ADGRA2: variants seen among roughly 807,000 people sequenced by gnomAD.
ADGRA2 encodes adhesion G protein-coupled receptor A2, also known as G-protein coupled receptor 124.
ADGRA2 carries 61 observed loss-of-function variants against 98.7 expected under a neutral mutation model. The ratio of observed to expected loss-of-function variants is 0.62; its 90% CI spans 0.50 to 0.76. The LOEUF is 0.76. ADGRA2 is among the 30% of genes least tolerant of loss of function. The pLI is 0.00. For synonymous variants in ADGRA2, 858 were observed against 831.5 expected, an observed-to-expected ratio of 1.03 and a Z score of -0.55; for missense variants, 1,712 against 1,860.0, an observed-to-expected ratio of 0.92 and a Z score of 1.46.
Position 37,833,831 on chromosome 8 carries a change from C to T in ADGRA2, c.1440C>T (p.Ile480=). The T allele has an allele frequency of 6.2e-7, 1 of 1,614,120 alleles. No homozygotes were observed. Among genetic ancestry groups the T allele is most frequent in the Non-Finnish European group, 8.5e-7 (1 of 1,179,992 alleles). Residue 480 remains isoleucine (I), a synonymous_variant, in exon 10 of 19, where the codon ATC becomes ATT. Coordinates refer to ENST00000412232, the MANE Select transcript of ADGRA2 (RefSeq NM_032777.10). Reference sequence around the variant, plus strand: ...AATTTTTGGGTTATGTCGACCAGATCAAAGAGGTGAGACTCAGCTGGAACT... The same window carrying T: ...AATTTTTGGGTTATGTCGACCAGATTAAAGAGGTGAGACTCAGCTGGAACT... ...IQKFLGYVDQ[I]KELVEVMVDM... is the part of the protein sequence containing the mutation.
In ADGRA2 at chr8:37,830,817, G is replaced by A. The variant is rs199973228; in HGVS notation, c.826G>A (p.Asp276Asn). The stretch of plus-strand genomic sequence containing the variant: ...GTGCTCTGCCAGCTACCTGGGCAAC[G>A]ACACCCGCATCCGCTGGTACCACAA... ...FQCSASYLGNDTRIRWYHNRA... is the reference protein window; with the variant it reads ...FQCSASYLGNNTRIRWYHNRA... The change falls in exon 7 of 19, where the codon GAC becomes AAC. Residue 276 changes from aspartate to asparagine, a missense_variant. Physicochemically the swap from Asp to Asn is conservative, Grantham distance 23. Coordinates refer to ENST00000412232, the MANE Select transcript of ADGRA2 (RefSeq NM_032777.10). The surrounding 1 kb of genome is among the most constrained non-coding windows in gnomAD (Gnocchi z 4.8). 2.0e-5 allele frequency: 32 copies of A among 1,591,144 alleles called. No individual in the cohort carries two copies. The highest frequency in any genetic ancestry group is 1.7e-4 in the Middle Eastern group (1 of 6,030).
At chr8:37,835,873 G>T in intron 13 of ADGRA2, 103 bp downstream of exon 13, 1 of 717,374 alleles carries the variant, frequency 1.4e-6, no homozygotes. Flanking sequence ...CAGTGCCGTA[G>T]TGGAACTGAC....
rs756266306 is a variant in ADGRA2 at position 37,814,941 on chromosome 8, C to T, written c.312C>T (p.Phe104=). The change falls in exon 2 of 19, where the codon TTC becomes TTT. Residue 104 remains phenylalanine, a synonymous_variant. Transcript: ENST00000412232. This position sits in a 1 kb window ranked among gnomAD's most constrained non-coding sequence, Gnocchi z 4.3. ...TCACGGGGCTCCGCAATGGCTCCTTCCTGGGACTGTCACTGCTGGAGAAGC... is the reference window on the plus strand; with the variant it reads ...TCACGGGGCTCCGCAATGGCTCCTTTCTGGGACTGTCACTGCTGGAGAAGC... The part of the protein sequence containing the change: ...NKITGLRNGS[F]LGLSLLEKLD... 5.6e-6 allele frequency: 9 copies of T among 1,612,876 alleles called. No homozygotes were observed. Among genetic ancestry groups the T allele is most frequent in the Non-Finnish European group, 6.8e-6 (8 of 1,178,958 alleles).
intron 7 of ADGRA2, 120 bp from the exon 8 acceptor site, chr8:37,831,303 A>G (rs1235056128): frequency 2.3e-6 from 2 of 879,478 alleles, no homozygotes; most frequent in Non-Finnish European, 3.5e-6. Context: ...GCATACTTGC[A>G]TCCCTTGTTT....
intron 2 of ADGRA2, among the ~76,000 whole-genome samples, chr8:37,822,754 C>T (rs1805162745): frequency 6.6e-6 from 1 of 152,178 alleles, no homozygotes; most frequent in Non-Finnish European, 1.5e-5. Context: ...ATTCTTTCAG[C>T]ATGGTACTTT....
In ADGRA2 at chr8:37,833,822, C is replaced by T. The variant is rs748619646; in HGVS notation, c.1431C>T (p.Val477=). The change falls in exon 10 of 19, where the codon GTC becomes GTT. Residue 477 remains valine (V), a synonymous_variant. Transcript: ENST00000412232. ...TGATCCAGAAATTTTTGGGTTATGT[C>T]GACCAGATCAAAGAGGTGAGACTCA... The part of the protein sequence containing the change: ...AQMIQKFLGY[V]DQIKELVEVM... 40 of 1,614,018 alleles carry T rather than the reference C, an allele frequency of 2.5e-5. No homozygotes were observed. Among genetic ancestry groups the T allele is most frequent in the Admixed American group, 1.5e-4 (9 of 59,988 alleles).
Position 37,814,418 on chromosome 8 carries a change from C to T in ADGRA2, c.267-478C>T, listed in dbSNP as rs575161773. ...TCCTTCGCTCACAGGTGAGAGTGTG[C>T]GAGCCTCCGAGGAAGGGCAGCTCCC... On this transcript the variant is annotated intron_variant, in intron 1 of 18. Coordinates refer to ENST00000412232, the MANE Select transcript of ADGRA2 (RefSeq NM_032777.10). This position sits in a 1 kb window ranked among gnomAD's most constrained non-coding sequence, Gnocchi z 4.3. Among the ~76,000 whole-genome samples the T allele has an allele frequency of 7.2e-5, 11 of 152,300 alleles. No individual in the cohort carries two copies. The East Asian group carries it at 1.2e-3, about 16-fold the overall frequency.
intron 2 of ADGRA2, among the ~76,000 whole-genome samples, chr8:37,826,326 C>T (rs1350526100): frequency 6.6e-6 from 1 of 151,978 alleles, no homozygotes; most frequent in Non-Finnish European, 1.5e-5. Flanking sequence ...TGGGGTCTGG[C>T]GGCAAAACGG....
At chr8:37,837,427 C>A (rs1162766048) in intron 13 of ADGRA2, among the ~76,000 whole-genome samples, 1 of 151,060 alleles carries the variant, frequency 6.6e-6, no homozygotes, top group African/African-American at 2.4e-5. Context: ...TGTTCTTGTC[C>A]CTGAGCCCCC....
At position 37,835,420 on chromosome 8, in the gene ADGRA2, G is replaced by A. The variant is rs765565913; in HGVS notation, c.1833+22G>A. 6.9e-6 allele frequency: 11 copies of A among 1,593,560 alleles called. No homozygotes were observed. In the South Asian group the frequency reaches 9.9e-5, roughly 14 times the overall value. On this transcript the variant is annotated intron_variant, in intron 12 of 18. Transcript: ENST00000412232. ...CAAGGTGGGCGCTGGGGGAGGGAGA[G>A]GGGGTGGGAGAAGGGAGGCACTCAG...
intron 2 of ADGRA2, among the ~76,000 whole-genome samples, chr8:37,827,705 G>C (rs1805319854): frequency 6.6e-6 from 1 of 152,236 alleles, no homozygotes; most frequent in Non-Finnish European, 1.5e-5. Context: ...CTCATCTGAA[G>C]GAGGAGGCTG....
At chr8:37,815,798 C>T (rs961180796) in intron 2 of ADGRA2, among the ~76,000 whole-genome samples, 4 of 152,180 alleles carry the variant, frequency 2.6e-5, no homozygotes, top group African/African-American at 9.7e-5. Flanking sequence ...CTCTAAGTCA[C>T]CTGCTCCGTC....
chr8:37,838,767 G>A (rs1234088976), intron 14 of ADGRA2, among the ~76,000 whole-genome samples, 189 bp from the exon 15 acceptor site: 1 of 152,172 alleles, frequency 6.6e-6, no homozygotes, highest in East Asian at 1.9e-4. Flanking sequence ...GCAGGGAAGG[G>A]GCTGCAGTAG....
Position 37,830,629 on chromosome 8 carries a change from C to CAACAGGGGGGG in ADGRA2, c.719-80_719-79insACAGGGGGGGA. 1 of 714,566 alleles carries CAACAGGGGGGG rather than the reference C, an allele frequency of 1.4e-6. No individual in the cohort carries two copies. Among genetic ancestry groups the CAACAGGGGGGG allele is most frequent in the Non-Finnish European group, 2.4e-6 (1 of 414,348 alleles). The allele number at this position is 714,566 out of a possible 1,614,324, so 44.3% of individuals were successfully genotyped here. A position where few individuals can be genotyped will look rare whatever the true frequency, so the allele number is the denominator to read the frequency against. ...CCGAGGGCCCCGCCCCGCCCCACCC[C>CAACAGGGGGGG]ATCCTGCTGGACTCTCGCTCACACG... On this transcript the variant is annotated intron_variant, in intron 6 of 18. Transcript: ENST00000412232. This position sits in a 1 kb window ranked among gnomAD's most constrained non-coding sequence, Gnocchi z 4.8.
intron 2 of ADGRA2, among the ~76,000 whole-genome samples, chr8:37,827,962 T>C (rs1805327399): frequency 6.6e-6 from 1 of 151,664 alleles, no homozygotes; most frequent in Non-Finnish European, 1.5e-5. Flanking sequence ...AGTGGGACCC[T>C]GTCTCTACCA....
intron 17 of ADGRA2, 31 bp downstream of exon 17, chr8:37,840,297 G>T: frequency 6.2e-7 from 1 of 1,606,872 alleles, no homozygotes. Flanking sequence ...CTTTGCAATT[G>T]GGGAGGGACT....
chr8:37,828,783 T>G, intron 2 of ADGRA2, 105 bp from the exon 3 acceptor site: 1 of 878,720 alleles, frequency 1.1e-6, no homozygotes, highest in Non-Finnish European at 1.8e-6. Flanking sequence ...GTCAAGTCCC[T>G]GAGAAACCCA....
intron 2 of ADGRA2, among the ~76,000 whole-genome samples, chr8:37,821,818 T>A (rs1407147861): frequency 6.6e-6 from 1 of 152,164 alleles, no homozygotes; most frequent in Non-Finnish European, 1.5e-5. Context: ...AGGCGCTCAT[T>A]AGAAGCAGAT....
intron 2 of ADGRA2, among the ~76,000 whole-genome samples, chr8:37,817,708 CTAAATAAATAAA>C (rs527817973): frequency 1.3e-5 from 2 of 151,326 alleles, no homozygotes; most frequent in Admixed American, 6.6e-5. Context: ...CCCTGTCTCT[CTAAATAAATAAA>C]TAAATAAATA....
Sources: gnomAD v4.1 joint callset for allele counts (sites outside exome capture counted in the v4.1 genomes callset) on GRCh38, gnomAD v4.1.1 for gene constraint, Gnocchi (gnomAD v3.1) non-coding constraint, MANE v1.5 for transcripts, NCBI Gene and HGNC (gene_info 2026-07-23, HGNC 2026-07-21) for gene names.